HTR1E: variants seen among roughly 807,000 people sequenced by gnomAD.
HTR1E encodes the protein 5-hydroxytryptamine receptor 1E, also known as 5-HT-1E.
Under a neutral mutation model 3.4 loss-of-function variants are expected in HTR1E, and 3 were observed. The observed-to-expected ratio is 0.89, with a 90% CI of 0.41 to 2.31. The LOEUF is 2.31. Ranked by LOEUF, HTR1E falls within the 30% of genes most tolerant of loss-of-function variation. The pLI is 0.05. For synonymous variants in HTR1E, 170 were observed against 182.8 expected (o/e 0.93, Z 0.56); for missense variants, 392 against 467.0 (o/e 0.84, Z 1.48).
At chr6:86,996,513 T>C (rs1209842365) in intron 1 of HTR1E, among the ~76,000 whole-genome samples, 1 of 152,150 alleles carries the variant, frequency 6.6e-6, no homozygotes, top group Admixed American at 6.5e-5. Flanking sequence ...TATCAAATTA[T>C]TGATATCAGT....
chr6:87,015,223 C>A lies in HTR1E; in HGVS notation c.-112C>A. The A allele has an allele frequency of 1.1e-6, 1 of 894,940 alleles. No individual in the cohort carries two copies. Among genetic ancestry groups the A allele is most frequent in the Non-Finnish European group, 1.6e-6 (1 of 631,490 alleles). The allele number at this position is 894,940 out of a possible 1,614,324, so 55.4% of individuals were successfully genotyped here. On this transcript the variant is annotated 5_prime_UTR_variant, in exon 2 of 2. It adds an upstream start codon to the 5' untranslated region. Transcript: ENST00000305344. ...AAATGGAACACAAGAGACCACATAG[C>A]TGAACAAATTATAGCCTCCTTACAA...
chr6:87,002,676 T>C (rs1319443062), intron 1 of HTR1E, among the ~76,000 whole-genome samples: 1 of 152,202 alleles, frequency 6.6e-6, no homozygotes, highest in Non-Finnish European at 1.5e-5. Context: ...TACAGAGTGC[T>C]GATTGGTGTG....
chr6:86,952,498 GACACACACACACACAC>G (rs149359215), intron 1 of HTR1E, among the ~76,000 whole-genome samples: 1 of 146,944 alleles, frequency 6.8e-6, no homozygotes, highest in Non-Finnish European at 1.5e-5. Context: ...CACACACACA[GACACACACACACACAC>G]ACACACACCC....
intron 1 of HTR1E, among the ~76,000 whole-genome samples, chr6:86,940,486 A>G (rs78416178): frequency 0.081 from 12,319 of 152,232 alleles, 591 homozygotes; most frequent in Admixed American, 0.14. Context: ...CAGTGAGCCA[A>G]GTTTGTGCCA....
At chr6:87,013,125 G>C (rs1768262016) in intron 1 of HTR1E, among the ~76,000 whole-genome samples, 1 of 152,176 alleles carries the variant, frequency 6.6e-6, no homozygotes, top group Non-Finnish European at 1.5e-5. Flanking sequence ...ACTCTTCCTG[G>C]ATGAGAAAGA....
chr6:87,006,131 G>A (rs1178618062), intron 1 of HTR1E, among the ~76,000 whole-genome samples: 2 of 152,172 alleles, frequency 1.3e-5, no homozygotes, highest in African/African-American at 4.8e-5. Flanking sequence ...ACTGTTGGTG[G>A]GAATGTAAGT....
chr6:87,010,421 A>T (rs1336625566), intron 1 of HTR1E, among the ~76,000 whole-genome samples: 5 of 151,016 alleles, frequency 3.3e-5, no homozygotes, highest in Non-Finnish European at 3.0e-5. Flanking sequence ...GGGGCTCCTC[A>T]CTTCCCAGTA....
intron 1 of HTR1E, among the ~76,000 whole-genome samples, chr6:86,966,557 A>T (rs1206218286): frequency 2.0e-5 from 3 of 152,140 alleles, no homozygotes; most frequent in Non-Finnish European, 4.4e-5. Flanking sequence ...ACAATATGAG[A>T]TTGAATCTCC....
intron 1 of HTR1E, among the ~76,000 whole-genome samples, chr6:87,009,957 G>A (rs1768182633): frequency 3.1e-5 from 4 of 127,870 alleles, no homozygotes; most frequent in Admixed American, 7.3e-5. Flanking sequence ...AGTAGGGGCG[G>A]CCGGGCAGAG....
intron 1 of HTR1E, among the ~76,000 whole-genome samples, chr6:87,009,681 G>A (rs1484088813): frequency 7.5e-5 from 11 of 146,592 alleles, no homozygotes; most frequent in African/African-American, 1.0e-4. Context: ...GCGGCTGGCC[G>A]GGCGGGGGGC....
chr6:86,942,667 T>A (rs1768562193), intron 1 of HTR1E, among the ~76,000 whole-genome samples: 1 of 152,252 alleles, frequency 6.6e-6, no homozygotes, highest in African/African-American at 2.4e-5. Flanking sequence ...ATTTACAAGA[T>A]GCATTCATAT....
At chr6:86,999,299 G>A (rs919672049) in intron 1 of HTR1E, among the ~76,000 whole-genome samples, 1 of 151,976 alleles carries the variant, frequency 6.6e-6, no homozygotes, top group East Asian at 1.9e-4. Context: ...TCAAAAATAG[G>A]TTTTAAGATA....
chr6:86,949,827 T>C (rs1404741991), intron 1 of HTR1E, among the ~76,000 whole-genome samples: 1 of 152,182 alleles, frequency 6.6e-6, no homozygotes, highest in Non-Finnish European at 1.5e-5. Context: ...CCTTTCACAG[T>C]GTTGTTGTCT....
chr6:86,968,565 T>G (rs1454536966), intron 1 of HTR1E, among the ~76,000 whole-genome samples: 2 of 152,218 alleles, frequency 1.3e-5, no homozygotes, highest in African/African-American at 4.8e-5. Flanking sequence ...AAGTATAAGA[T>G]TGCTTAAGCA....
chr6:86,968,779 C>T (rs192482588), intron 1 of HTR1E, among the ~76,000 whole-genome samples: 96 of 152,090 alleles, frequency 6.3e-4, no homozygotes, highest in African/African-American at 2.0e-3. Context: ...GGTATTTTTA[C>T]GTTACAGAGT....
chr6:86,977,834 T>C (rs980293897), intron 1 of HTR1E, among the ~76,000 whole-genome samples: 1 of 152,198 alleles, frequency 6.6e-6, no homozygotes, highest in Non-Finnish European at 1.5e-5. Flanking sequence ...TTTTTCCCTA[T>C]GTTTGTTGGC....
chr6:86,938,848 G>A (rs828360), intron 1 of HTR1E, among the ~76,000 whole-genome samples: 25,231 of 152,082 alleles, frequency 0.17, 2,347 homozygotes, highest in Admixed American at 0.25. Context: ...GCAGTACATC[G>A]TCCTAAGCTG....
chr6:86,963,293 T>C (rs1000974419), intron 1 of HTR1E, among the ~76,000 whole-genome samples: 22 of 152,208 alleles, frequency 1.4e-4, no homozygotes, highest in Admixed American at 6.5e-4. Context: ...AGCTGTACAA[T>C]GTACACCACT....
At chr6:86,954,987 C>T (rs1376088501) in intron 1 of HTR1E, among the ~76,000 whole-genome samples, 1 of 152,148 alleles carries the variant, frequency 6.6e-6, no homozygotes, top group Non-Finnish European at 1.5e-5. Context: ...CAGAGCAAAT[C>T]GACCCTCTGC....
Sources: gnomAD v4.1 joint callset for allele counts (sites outside exome capture counted in the v4.1 genomes callset) on GRCh38, gnomAD v4.1.1 for gene constraint, MANE v1.5 for transcripts, NCBI Gene and HGNC (gene_info 2026-07-23, HGNC 2026-07-21) for gene names.